The following ARMCX4 variants were observed in gnomAD, a reference collection of about 807,000 sequenced individuals.
ARMCX4 encodes the protein armadillo repeat-containing X-linked protein 4.
Under a neutral mutation model 34.7 loss-of-function variants are expected in ARMCX4, and 3 were observed. The observed-to-expected ratio is 0.09, with a 90% CI of 0.04 to 0.22. ARMCX4 has a LOEUF of 0.22. ARMCX4 is among the 10% of genes least tolerant of loss of function. The pLI, the probability that ARMCX4 is intolerant of heterozygous loss-of-function variation, is 1.00. For synonymous variants in ARMCX4, 513 were observed against 632.8 expected, an observed-to-expected ratio of 0.81 and a Z score of 2.84; for missense variants, 1,448 against 1,720.8, an observed-to-expected ratio of 0.84 and a Z score of 2.81.
At position 101,492,248 on chromosome X, in the gene ARMCX4, G is replaced by A; in HGVS notation, c.3659G>A (p.Ser1220Asn). The A allele has an allele frequency of 8.8e-7, 1 of 1,141,922 alleles. No individual in the cohort carries two copies. The highest frequency in any genetic ancestry group is 1.8e-5 in the African/African-American group (1 of 55,379). 94.1% of individuals were successfully genotyped at this position (1,141,922 alleles called of 1,213,427 possible). A position where few individuals can be genotyped will look rare whatever the true frequency, so the allele number is the denominator to read the frequency against. Residue 1220 changes from serine (S) to asparagine (N), a missense_variant, in exon 6 of 6, where the codon AGT becomes AAT. By Grantham distance (46) the Ser-to-Asn change is conservative. Around this residue, in one of 2 missense-constraint regions of ARMCX4, gnomAD observed 1,343 missense variants for 1,540.7 expected, o/e 0.87. Coordinates refer to ENST00000423738, the MANE Select transcript of ARMCX4 (RefSeq NM_001256155.3). ...GAWTGAENQASGGSWALAGNQ... is the reference protein window; with the variant it reads ...GAWTGAENQANGGSWALAGNQ... The stretch of plus-strand genomic sequence containing the variant: ...TGGACTGGGGCTGAGAACCAGGCCA[G>A]TGGGGGGTCTTGGGCTCTCGCTGGG...
intron 2 of ARMCX4, among the ~76,000 whole-genome samples, chrX:101,420,995 C>T (rs12835026): frequency 6.3e-5 from 7 of 110,688 alleles, no homozygotes. Context: ...GTCGGGCATT[C>T]GAGACCAGCC....
At chrX:101,485,205 G>A (rs1933637566), upstream of ARMCX4, 1 of 107,432 alleles carries the variant, frequency 9.3e-6, no homozygotes, top group Non-Finnish European at 1.9e-5. Context: ...AGGCGATGAT[G>A]CCACTTGTGG....
chrX:101,491,469 C>T lies in ARMCX4; in HGVS notation c.2880C>T (p.Val960=), dbSNP rs1556009132. 6.9e-6 allele frequency: 8 copies of T among 1,155,397 alleles called. No individual in the cohort carries two copies. The highest frequency in any genetic ancestry group is 1.8e-5 in the African/African-American group (1 of 56,060). Reference sequence around the variant, plus strand: ...TTGTGGCCAGTTTTCAGGGTGAGGTCTTGCCTGGGGCCAAAAATAAGGTCA... The same window carrying T: ...TTGTGGCCAGTTTTCAGGGTGAGGTTTTGCCTGGGGCCAAAAATAAGGTCA... ...VQVVASFQGE[V]LPGAKNKVRG... is the part of the protein sequence containing the mutation. The change falls in exon 6 of 6, where the codon GTC becomes GTT. Residue 960 remains valine (V), a synonymous_variant. Transcript: ENST00000423738.
At chrX:101,526,192 GA>G (rs1474189037) in intron 11 of ARMCX4, among the ~76,000 whole-genome samples, 4 of 111,985 alleles carry the variant, frequency 3.6e-5, no homozygotes, top group Admixed American at 9.5e-5. Flanking sequence ...CATTCTTAAA[GA>G]AAAGAATTTT....
downstream of ARMCX4, among the ~76,000 whole-genome samples, chrX:101,534,257 A>T (rs1569354167): frequency 9.0e-6 from 1 of 111,569 alleles, no homozygotes; most frequent in Non-Finnish European, 1.9e-5. Context: ...AAGTAGAAAA[A>T]CTGGGTTGTT....
At chrX:101,437,462 A>G (rs1282534721) in intron 2 of ARMCX4, among the ~76,000 whole-genome samples, 4 of 111,280 alleles carry the variant, frequency 3.6e-5, no homozygotes, top group African/African-American at 1.3e-4. Context: ...TATGCTGGTA[A>G]TTTGTATTTC....
chrX:101,530,734 G>T (rs1378274249), intron 11 of ARMCX4, among the ~76,000 whole-genome samples: 2 of 111,534 alleles, frequency 1.8e-5, no homozygotes, highest in Non-Finnish European at 3.8e-5. Flanking sequence ...AATATTCTCA[G>T]ATGAAGGATA....
chrX:101,492,835 G>C lies in ARMCX4; in HGVS notation c.4246G>C (p.Gly1416Arg), dbSNP rs1934037990. Residue 1416 changes from glycine (G) to arginine (R), a missense_variant, in exon 6 of 6, where the codon GGG (glycine) becomes CGG (arginine). This residue lies in a region of ARMCX4 where 1,343 missense variants were observed against 1,540.7 expected (regional missense o/e 0.87). Coordinates refer to ENST00000423738, the MANE Select transcript of ARMCX4 (RefSeq NM_001256155.3). Reference protein sequence around the residue: ...GGQAGGGSKVGPEDQSSGRSW... With the variant: ...GGQAGGGSKVRPEDQSSGRSW... ...CCAGGCTGGTGGAGGGTCCAAGGTG[G>C]GGCCTGAAGACCAGTCCAGTGGAAG... 10 of 1,155,684 alleles carry C rather than the reference G, an allele frequency of 8.7e-6. No individual in the cohort carries two copies. Among genetic ancestry groups the C allele is most frequent in the Non-Finnish European group, 1.0e-5 (9 of 872,676 alleles).
At chrX:101,477,363 G>A (rs1401147279) in intron 4 of ARMCX4, among the ~76,000 whole-genome samples, 5 of 93,898 alleles carry the variant, frequency 5.3e-5, no homozygotes, top group Non-Finnish European at 1.0e-4. Flanking sequence ...TCACGTGAAC[G>A]GAGGTTGCAG....
chrX:101,433,365 T>C (rs1424386006), intron 2 of ARMCX4, among the ~76,000 whole-genome samples: 1 of 109,444 alleles, frequency 9.1e-6, no homozygotes, highest in Non-Finnish European at 1.9e-5. Context: ...TACTTACATA[T>C]AAACATATGT....
intron 2 of ARMCX4, among the ~76,000 whole-genome samples, chrX:101,427,356 A>T (rs782660209): frequency 9.1e-6 from 1 of 110,490 alleles, no homozygotes; most frequent in African/African-American, 3.3e-5. Flanking sequence ...GCATGGCCTC[A>T]GCTTCTGGTG....
intron 8 of ARMCX4, among the ~76,000 whole-genome samples, chrX:101,505,911 G>A (rs1934438480): frequency 8.9e-6 from 1 of 111,812 alleles, no homozygotes; most frequent in South Asian, 3.7e-4. Context: ...GCACAATCAT[G>A]GCTCACTGCA....
intron 11 of ARMCX4, among the ~76,000 whole-genome samples, chrX:101,517,963 A>G (rs1413446508): frequency 4.5e-5 from 5 of 112,085 alleles, no homozygotes; most frequent in African/African-American, 1.6e-4. Flanking sequence ...ACATAAGAAT[A>G]GTTAGACAGA....
upstream of ARMCX4, among the ~76,000 whole-genome samples, chrX:101,482,818 G>A: frequency 9.3e-6 from 1 of 106,952 alleles, no homozygotes; most frequent in African/African-American, 3.4e-5. Context: ...AACTCCATCA[G>A]CCACATTGTA....
In ARMCX4 at chrX:101,493,481, G is replaced by A. The variant is rs1556010372; in HGVS notation, c.4892G>A (p.Ser1631Asn). The A allele has an allele frequency of 2.6e-6, 3 of 1,153,681 alleles. No homozygotes were observed. In the African/African-American group the frequency reaches 5.4e-5, roughly 21 times the overall value. Residue 1631 changes from serine to asparagine, a missense_variant, in exon 6 of 6, where the codon AGT (serine) becomes AAT (asparagine). By Grantham distance (46) the Ser-to-Asn change is conservative. Transcript: ENST00000423738. ...GARPGPADQS[S>N]GGSWAGTGNQ... The stretch of plus-strand genomic sequence containing the variant: ...AGGCCGGGGCCTGCAGACCAGTCCA[G>A]TGGTGGGTCCTGGGCTGGCACTGGG...
In ARMCX4 at chrX:101,492,228, T is replaced by C. The variant is rs1556009559; in HGVS notation, c.3639T>C (p.Thr1213=). The C allele has an allele frequency of 6.2e-6, 7 of 1,136,030 alleles. No individual in the cohort carries two copies. The highest frequency in any genetic ancestry group is 8.1e-6 in the Non-Finnish European group (7 of 863,096). 93.6% of individuals were successfully genotyped at this position (1,136,030 alleles called of 1,213,427 possible). ...AGDKASGGAW[T]GAENQASGGS... ...ACAAGGCCAGTGGAGGAGCCTGGAC[T>C]GGGGCTGAGAACCAGGCCAGTGGGG... The change falls in exon 6 of 6, where the codon ACT becomes ACC. Residue 1213 remains threonine, a synonymous_variant. Transcript: ENST00000423738.
intron 2 of ARMCX4, among the ~76,000 whole-genome samples, chrX:101,439,705 T>G (rs5951262): frequency 0.49 from 54,187 of 110,237 alleles, 10,715 homozygotes; most frequent in Non-Finnish European, 0.62. Context: ...TAAACTTCTC[T>G]TCTCGCTTCA....
chrX:101,484,821 CTT>C (rs1933616054), upstream of ARMCX4, among the ~76,000 whole-genome samples: 1 of 111,334 alleles, frequency 9.0e-6, no homozygotes, highest in African/African-American at 3.3e-5. Flanking sequence ...AAGAATGAGT[CTT>C]TTGTTATTTT....
At chrX:101,427,917 T>A (rs1929732898) in intron 2 of ARMCX4, among the ~76,000 whole-genome samples, 1 of 111,689 alleles carries the variant, frequency 9.0e-6, no homozygotes, top group African/African-American at 3.3e-5. Flanking sequence ...CACCTTCCAT[T>A]AGGCCCCACC....
Sources: gnomAD v4.1 joint callset for allele counts (sites outside exome capture counted in the v4.1 genomes callset) on GRCh38, gnomAD v4.1.1 for gene constraint, gnomAD v4.1.1 regional missense constraint, MANE v1.5 for transcripts, NCBI Gene and HGNC (gene_info 2026-07-23, HGNC 2026-07-21) for gene names.